Variants in VPS13B observed in about 807,000 individuals in gnomAD.
The protein encoded by VPS13B is intermembrane lipid transfer protein VPS13B.
Under a neutral mutation model 426.4 loss-of-function variants are expected in VPS13B, and 285 were observed. The ratio of observed to expected loss-of-function variants is 0.67; its 90% CI spans 0.61 to 0.74. The LOEUF is 0.74. Ranked by LOEUF, VPS13B falls within the 30% of genes least tolerant of loss-of-function variation. VPS13B has a pLI of 0.00. For missense variants in VPS13B, 4,537 were observed against 4,782.6 expected, an observed-to-expected ratio of 0.95 and a Z score of 1.51; for synonymous variants, 1,676 against 1,676.4, an observed-to-expected ratio of 1.00 and a Z score of 0.01.
At chr8:99,616,075 T>A (rs553481071) in intron 33 of VPS13B, among the ~76,000 whole-genome samples, 1 of 152,272 alleles carries the variant, frequency 6.6e-6, no homozygotes, top group East Asian at 1.9e-4. Flanking sequence ...AATTTGTAGT[T>A]TGATGAGCAT....
chr8:99,463,369 A>G (rs1299751275), intron 23 of VPS13B, among the ~76,000 whole-genome samples: 2 of 152,222 alleles, frequency 1.3e-5, no homozygotes, highest in East Asian at 1.9e-4. Context: ...TATTAGTAAC[A>G]TAGATTTCTA....
At position 99,570,950 on chromosome 8, in the gene VPS13B, C is replaced by T. The variant is rs576775857; in HGVS notation, c.4950-4708C>T. On this transcript the variant is annotated intron_variant, in intron 31 of 61. Coordinates refer to ENST00000357162, the MANE Select transcript of VPS13B (RefSeq NM_152564.5). ...CACTTAATACATGTAGGATATTTCT[C>T]ATTATTTTTAATTTTCCAGGGAGAT... Among the ~76,000 whole-genome samples the T allele has an allele frequency of 2.2e-4, 33 of 152,276 alleles. No individual in the cohort carries two copies. In the East Asian group the frequency reaches 6.2e-3, roughly 29 times the overall value.
Position 99,102,940 on chromosome 8 carries a change from T to G in VPS13B, c.413-13T>G, listed in dbSNP as rs758073197. The G allele has an allele frequency of 6.3e-7, 1 of 1,592,036 alleles. No individual in the cohort carries two copies. Among genetic ancestry groups the G allele is most frequent in the South Asian group, 1.1e-5 (1 of 90,370 alleles). On this transcript the variant is annotated splice_polypyrimidine_tract_variant and intron_variant, in intron 4 of 61. Transcript: ENST00000357162. ...ATTTGTGGCTAATTAAATTCTTTTT[T>G]TCTATTTTATAGGTTATGTGCAGAG...
intron 35 of VPS13B, among the ~76,000 whole-genome samples, chr8:99,681,383 G>T (rs1222915263): frequency 6.6e-6 from 1 of 152,218 alleles, no homozygotes; most frequent in East Asian, 1.9e-4. Flanking sequence ...AATATGTTTT[G>T]CAAGAAATGT....
chr8:99,544,108 A>G (rs1018418006), intron 30 of VPS13B, among the ~76,000 whole-genome samples: 1 of 151,252 alleles, frequency 6.6e-6, no homozygotes, highest in African/African-American at 2.4e-5. Context: ...TGTGGCACAT[A>G]TACACCATGG....
chr8:99,225,667 C>T (rs1466772385), intron 17 of VPS13B, among the ~76,000 whole-genome samples: 1 of 152,166 alleles, frequency 6.6e-6, no homozygotes, highest in Non-Finnish European at 1.5e-5. Flanking sequence ...TTATTTCTTC[C>T]TGCTAAACCT....
At chr8:99,163,565 G>A (rs1209626401) in intron 15 of VPS13B, among the ~76,000 whole-genome samples, 4 of 152,220 alleles carry the variant, frequency 2.6e-5, no homozygotes, top group African/African-American at 4.8e-5. Context: ...GCTAAGGCCC[G>A]GCGAGAAATC....
At chr8:99,254,166 A>G (rs1448025370) in intron 17 of VPS13B, among the ~76,000 whole-genome samples, 1 of 152,086 alleles carries the variant, frequency 6.6e-6, no homozygotes, top group Admixed American at 6.5e-5. Flanking sequence ...AAAAATCCTT[A>G]TTTTATTCTT....
chr8:99,067,251 T>C (rs1188035547), intron 3 of VPS13B, among the ~76,000 whole-genome samples: 1 of 152,148 alleles, frequency 6.6e-6, no homozygotes, highest in Non-Finnish European at 1.5e-5. Context: ...CCCAAATGTC[T>C]GTCAATGATA....
In VPS13B at chr8:99,861,906, G is replaced by T. The variant is rs775017930; in HGVS notation, c.11175G>T (p.Gly3725=). The T allele has an allele frequency of 6.3e-7, 1 of 1,597,764 alleles. No homozygotes were observed. The highest frequency in any genetic ancestry group is 1.3e-5 in the African/African-American group (1 of 74,902). Residue 3725 remains glycine, a synonymous_variant, in exon 58 of 62, where the codon GGG becomes GGT. Coordinates refer to ENST00000357162, the MANE Select transcript of VPS13B (RefSeq NM_152564.5). ...RRQLPESLGE[G]LRQGLSRLGI... is the part of the protein sequence containing the mutation. ...AGCTCCCCGAGAGCCTGGGCGAGGG[G>T]CTTCGACAGGGCCTGTCCCGGCTGG...
chr8:99,849,792 A>G (rs1248274885), intron 55 of VPS13B, among the ~76,000 whole-genome samples: 2 of 152,198 alleles, frequency 1.3e-5, no homozygotes, highest in Non-Finnish European at 2.9e-5. Flanking sequence ...TAAATGTTAC[A>G]ACTGCAAAAA....
intron 3 of VPS13B, among the ~76,000 whole-genome samples, chr8:99,094,807 C>T (rs940196063): frequency 2.0e-5 from 3 of 151,850 alleles, no homozygotes; most frequent in African/African-American, 7.3e-5. Context: ...AGTAGAAAAA[C>T]TAAATTTAAT....
intron 33 of VPS13B, among the ~76,000 whole-genome samples, chr8:99,623,969 G>A (rs1828477119): frequency 1.4e-5 from 2 of 138,450 alleles, no homozygotes; most frequent in Non-Finnish European, 3.1e-5. Context: ...AGAGTTAAAG[G>A]TAAAGGCTAT....
intron 19 of VPS13B, among the ~76,000 whole-genome samples, chr8:99,295,765 A>G (rs1820001594): frequency 2.6e-5 from 4 of 152,208 alleles, no homozygotes; most frequent in Admixed American, 2.6e-4. Context: ...GCAATGGCTC[A>G]TCCCTATAAT....
intron 17 of VPS13B, among the ~76,000 whole-genome samples, chr8:99,194,815 A>C (rs1160007119): frequency 6.6e-6 from 1 of 152,026 alleles, no homozygotes; most frequent in African/African-American, 2.4e-5. Flanking sequence ...AGGAGCTTCA[A>C]TACCGTTTTC....
chr8:99,779,508 T>C (rs889600529), intron 42 of VPS13B, among the ~76,000 whole-genome samples: 1 of 152,228 alleles, frequency 6.6e-6, no homozygotes, highest in East Asian at 1.9e-4. Context: ...CTTAGTTTTT[T>C]CCTCTACTCT....
chr8:99,734,010 G>C (rs1013621590), intron 39 of VPS13B, among the ~76,000 whole-genome samples: 3 of 152,098 alleles, frequency 2.0e-5, no homozygotes, highest in Non-Finnish European at 4.4e-5. Context: ...GGACTCTTTA[G>C]CTTTCACCTT....
In VPS13B at chr8:99,234,304, C is replaced by T. The variant is rs925575889; in HGVS notation, c.2516-39894C>T. 4.0e-6 allele frequency: 3 copies of T among 758,638 alleles called. No individual in the cohort carries two copies. In the African/African-American group the frequency reaches 5.1e-5, roughly 13 times the overall value. The allele number at this position is 758,638 out of a possible 1,614,324, so 47.0% of individuals were successfully genotyped here. A position where few individuals can be genotyped will look rare whatever the true frequency, so the allele number is the denominator to read the frequency against. ...TTTCTGTGTCTGTGTTGACTTGTTC[C>T]ACATTCTCCACTATCCCGTGTTGAG... On this transcript the variant is annotated intron_variant, in intron 17 of 61. Coordinates refer to ENST00000357162, the MANE Select transcript of VPS13B (RefSeq NM_152564.5).
rs768794220 is a variant in VPS13B, at chr8:99,233,348, A to G, written c.2515+40291A>G. On this transcript the variant is annotated intron_variant, in intron 17 of 61. Transcript: ENST00000357162. ...TTCACTTCTTCTTTGGGGTTAAAGAAGTTTTCTTCTTTTAGTTTCCCGAAG... is the reference window on the plus strand; with the variant it reads ...TTCACTTCTTCTTTGGGGTTAAAGAGGTTTTCTTCTTTTAGTTTCCCGAAG... 456 of 1,063,316 alleles carry G rather than the reference A, an allele frequency of 4.3e-4. 1 individual carries two copies. Among genetic ancestry groups the G allele is most frequent in the Non-Finnish European group, 5.9e-4 (404 of 679,642 alleles). The allele number at this position is 1,063,316 out of a possible 1,614,324, so 65.9% of individuals were successfully genotyped here.
Sources: allele counts gnomAD v4.1 joint callset (sites outside exome capture counted in the v4.1 genomes callset), GRCh38; gene constraint gnomAD v4.1.1; transcripts MANE v1.5; gene names NCBI Gene and HGNC (gene_info 2026-07-23, HGNC 2026-07-21).